The following CNTNAP2 variants were observed in gnomAD, a reference collection of about 807,000 sequenced individuals.
CNTNAP2 encodes contactin-associated protein-like 2.
A neutral mutation model predicts 155.2 loss-of-function variants in CNTNAP2; 98 were observed. That is an observed-to-expected ratio of 0.63 (90% CI 0.54 to 0.75). The LOEUF is 0.75. Ranked by LOEUF, CNTNAP2 falls within the 30% of genes least tolerant of loss-of-function variation. The probability of loss-of-function intolerance (pLI) is 0.00; values close to 1 mark genes in which losing one functional copy is unlikely to be tolerated. For missense variants in CNTNAP2, 1,727 were observed against 1,688.1 expected (o/e 1.02, Z -0.40); for synonymous variants, 651 against 631.2 (o/e 1.03, Z -0.47).
intron 11 of CNTNAP2, among the ~76,000 whole-genome samples, chr7:147,527,422 T>C (rs1799347860): frequency 6.6e-6 from 1 of 152,142 alleles, no homozygotes; most frequent in South Asian, 2.1e-4. Flanking sequence ...AGCTGCAAAA[T>C]TGGAAATGCA....
intron 3 of CNTNAP2, among the ~76,000 whole-genome samples, chr7:147,023,991 A>G (rs1798858519): frequency 6.6e-6 from 1 of 152,204 alleles, no homozygotes; most frequent in Admixed American, 6.5e-5. Flanking sequence ...GTTTAAACTC[A>G]GCTGGGAACA....
rs77096825 is a variant in CNTNAP2, at chr7:147,925,877, C to T, written c.2255+22156C>T. On this transcript the variant is annotated intron_variant, in intron 14 of 23. Transcript: ENST00000361727. ...TTCCCTCCATTCAATCCTCCCCTCC[C>T]CTCAACTCCTGGCAACAACTGATCT... Among the ~76,000 whole-genome samples the T allele has an allele frequency of 3.0e-3, 450 of 152,324 alleles. 18 individuals are homozygous for T. In the East Asian group the frequency reaches 0.067, roughly 23 times the overall value.
At chr7:147,853,837 ACT>A (rs1335098715) in intron 13 of CNTNAP2, among the ~76,000 whole-genome samples, 1 of 152,142 alleles carries the variant, frequency 6.6e-6, no homozygotes, top group African/African-American at 2.4e-5. Context: ...CTTTGTTAAG[ACT>A]CAAAACATTT....
At chr7:147,870,005 A>G (rs1251760866) in intron 13 of CNTNAP2, among the ~76,000 whole-genome samples, 1 of 152,212 alleles carries the variant, frequency 6.6e-6, no homozygotes. Context: ...CTCCTATAAG[A>G]TGGACATTAT....
Position 147,014,257 on chromosome 7 carries a change from G to A in CNTNAP2, c.403-29650G>A, listed in dbSNP as rs566735557. Among the ~76,000 whole-genome samples, 19 of 129,648 alleles carry A rather than the reference G, an allele frequency of 1.5e-4. 1 individual carries two copies. In the South Asian group the frequency reaches 1.8e-3, roughly 12 times the overall value. 85.1% of individuals were successfully genotyped at this position (129,648 alleles called of 152,430 possible). A position where few individuals can be genotyped will look rare whatever the true frequency, so the allele number is the denominator to read the frequency against. On this transcript the variant is annotated intron_variant, in intron 3 of 23. Transcript: ENST00000361727. ...AATATAACATAAAAAACCCTGTATC[G>A]TTTGAATTTTTCATAGGTTTTTTTC...
intron 8 of CNTNAP2, among the ~76,000 whole-genome samples, chr7:147,229,623 G>A (rs1328231859): frequency 6.6e-6 from 1 of 152,132 alleles, no homozygotes; most frequent in Non-Finnish European, 1.5e-5. Context: ...ACTTACAATT[G>A]AGAACAATGT....
chr7:147,531,908 G>C (rs978479595), intron 11 of CNTNAP2, among the ~76,000 whole-genome samples: 1 of 150,442 alleles, frequency 6.6e-6, no homozygotes, highest in African/African-American at 2.5e-5. Context: ...CTGGGTTCAC[G>C]CCATTCTCCT....
At chr7:146,828,332 G>A (rs761487572) in intron 2 of CNTNAP2, among the ~76,000 whole-genome samples, 2 of 151,952 alleles carry the variant, frequency 1.3e-5, no homozygotes, top group African/African-American at 2.4e-5. Context: ...AAGCCAATAA[G>A]AAATAAAATC....
chr7:148,099,421 T>TTGTGTGTG (rs35957905), intron 15 of CNTNAP2, among the ~76,000 whole-genome samples: 2,716 of 140,972 alleles, frequency 0.019, 81 homozygotes, highest in African/African-American at 0.057. Context: ...AGCATTGCAA[T>TTGTGTGTG]TGTGTGTGTG....
At chr7:147,929,834 G>T (rs981905618) in intron 14 of CNTNAP2, among the ~76,000 whole-genome samples, 1 of 152,188 alleles carries the variant, frequency 6.6e-6, no homozygotes, top group Non-Finnish European at 1.5e-5. Flanking sequence ...ACCAGGGTTG[G>T]TGGGGGATGG....
intron 2 of CNTNAP2, among the ~76,000 whole-genome samples, chr7:146,776,759 A>C (rs2129186355): frequency 6.6e-6 from 1 of 152,232 alleles, no homozygotes; most frequent in African/African-American, 2.4e-5. Context: ...AGAAAAGTTA[A>C]ATTATTTTTT....
In CNTNAP2 at chr7:146,296,460, T is replaced by G. The variant is rs562660603; in HGVS notation, c.97+179487T>G. ...TCTCCATGTATTGACTTGTTGAGCA[T>G]CAGGCAACAGACATATGGTTACAAA... On this transcript the variant is annotated intron_variant, in intron 1 of 23. Coordinates refer to ENST00000361727, the MANE Select transcript of CNTNAP2 (RefSeq NM_014141.6). 1.4e-4 allele frequency among the ~76,000 whole-genome samples: 22 copies of G among 152,284 alleles called. No homozygotes were observed. The South Asian group carries it at 4.6e-3, about 32-fold the overall frequency.
At chr7:147,508,346 T>A (rs1323137720) in intron 11 of CNTNAP2, among the ~76,000 whole-genome samples, 2 of 152,130 alleles carry the variant, frequency 1.3e-5, no homozygotes, top group Non-Finnish European at 2.9e-5. Context: ...ACCCAGCCAC[T>A]GAAGCCAGTA....
chr7:147,960,038 C>T (rs1476964372), intron 14 of CNTNAP2, among the ~76,000 whole-genome samples: 1 of 152,088 alleles, frequency 6.6e-6, no homozygotes, highest in Non-Finnish European at 1.5e-5. Context: ...CCTTTAGGCT[C>T]AGAGAACTGA....
At chr7:147,769,841 C>G (rs920389032) in intron 13 of CNTNAP2, among the ~76,000 whole-genome samples, 1 of 152,080 alleles carries the variant, frequency 6.6e-6, no homozygotes, top group Non-Finnish European at 1.5e-5. Flanking sequence ...CATGCTGTGG[C>G]ATAGTGTCCT....
chr7:148,252,101 G>A (rs926005932), intron 20 of CNTNAP2, among the ~76,000 whole-genome samples: 1 of 152,168 alleles, frequency 6.6e-6, no homozygotes, highest in African/African-American at 2.4e-5. Flanking sequence ...CCCTGTGGTT[G>A]AGCAGACTTC....
chr7:146,245,409 A>G (rs10278511), intron 1 of CNTNAP2, among the ~76,000 whole-genome samples: 3,356 of 152,080 alleles, frequency 0.022, 123 homozygotes, highest in African/African-American at 0.077. Context: ...TGTAGAGAGT[A>G]AGTTGAGCAT....
rs774215859 is a variant in CNTNAP2, at chr7:148,052,962, G to A, written c.2384-65156G>A. On this transcript the variant is annotated intron_variant, in intron 15 of 23. Coordinates refer to ENST00000361727, the MANE Select transcript of CNTNAP2 (RefSeq NM_014141.6). ...CTCGGGAGGCTGAGCCAGGAGAATC[G>A]CTTGAAACCAGGAGGCAGAAATTTC... Among the ~76,000 whole-genome samples, 9 of 152,106 alleles carry A rather than the reference G, an allele frequency of 5.9e-5. No individual in the cohort carries two copies. In the South Asian group the frequency reaches 6.2e-4, roughly 10 times the overall value.
At chr7:147,201,596 G>A (rs1802923533) in intron 8 of CNTNAP2, among the ~76,000 whole-genome samples, 1 of 152,176 alleles carries the variant, frequency 6.6e-6, no homozygotes, top group African/African-American at 2.4e-5. Context: ...AGACATAGGA[G>A]AGGGAGAATC....
Sources: allele counts gnomAD v4.1 joint callset (sites outside exome capture counted in the v4.1 genomes callset), GRCh38; gene constraint gnomAD v4.1.1; transcripts MANE v1.5; gene names NCBI Gene and HGNC (gene_info 2026-07-23, HGNC 2026-07-21).